Variants in SPATA21 observed in about 807,000 individuals in gnomAD.
The protein encoded by SPATA21 is spermatogenesis-associated protein 21.
Under a neutral mutation model 54.8 loss-of-function variants are expected in SPATA21, and 47 were observed. The observed-to-expected ratio is 0.86, with a 90% CI of 0.68 to 1.09. The LOEUF (loss-of-function observed/expected upper bound fraction) is 1.09. Among genes scored for constraint, SPATA21 ranks in the 50% least tolerant of loss-of-function variants. SPATA21 has a pLI of 0.00. For missense variants in SPATA21, 599 were observed against 596.4 expected, an observed-to-expected ratio of 1.00 and a Z score of -0.05; for synonymous variants, 245 against 235.3, an observed-to-expected ratio of 1.04 and a Z score of -0.38.
At position 16,400,810 on chromosome 1, in the gene SPATA21, G is replaced by A. The variant is rs887323332; in HGVS notation, c.1084C>T (p.Leu362Phe). The A allele has an allele frequency of 1.2e-6, 2 of 1,614,034 alleles. No homozygotes were observed. Among genetic ancestry groups the A allele is most frequent in the Non-Finnish European group, 1.7e-6 (2 of 1,180,032 alleles). Residue 362 changes from leucine to phenylalanine, a missense_variant, in exon 11 of 13, where the codon CTT becomes TTT. Coordinates refer to ENST00000335496, the MANE Select transcript of SPATA21 (RefSeq NM_198546.1). ...AAVGRLRLQK[L>F]PYNPQQEESS... ...TCTTCTTGCTGGGGGTTGTAGGGAAGCTTCTGCAACCGCAGCCGGCCTACG... is the reference window on the plus strand; with the variant it reads ...TCTTCTTGCTGGGGGTTGTAGGGAAACTTCTGCAACCGCAGCCGGCCTACG...
chr1:16,419,084 T>C (rs1191436961), intron 5 of SPATA21, among the ~76,000 whole-genome samples: 1 of 151,992 alleles, frequency 6.6e-6, no homozygotes, highest in Non-Finnish European at 1.5e-5. Flanking sequence ...ACAAAGACAA[T>C]AAAACAGGAC....
At position 16,437,337 on chromosome 1, in the gene SPATA21, G is replaced by A. The variant is rs1206051068; in HGVS notation, c.-396C>T. ...ATGCATTTCAGGAATATCCAGCCATGTGGTTAGGGTTTGAGAATAAGGCAA... is the reference window on the plus strand; with the variant it reads ...ATGCATTTCAGGAATATCCAGCCATATGGTTAGGGTTTGAGAATAAGGCAA... On this transcript the variant is annotated 5_prime_UTR_variant, in exon 1 of 13. Transcript: ENST00000335496. 6.6e-6 allele frequency: 1 copy of A among 152,214 alleles called. No individual in the cohort carries two copies. Among genetic ancestry groups the A allele is most frequent in the Non-Finnish European group, 1.5e-5 (1 of 68,058 alleles). The allele number at this position is 152,214 out of a possible 1,614,324, so 9.4% of individuals were successfully genotyped here.
chr1:16,400,678 A>AGCCCCAACCCTAGCCC, intron 11 of SPATA21, 42 bp downstream of exon 11: 1 of 1,558,492 alleles, frequency 6.4e-7, no homozygotes, highest in Middle Eastern at 1.8e-4. Flanking sequence ...AAGAGAGCAA[A>AGCCCCAACCCTAGCCC]GCCCCAACCC....
intron 3 of SPATA21, among the ~76,000 whole-genome samples, chr1:16,430,114 CAA>C (rs1226598581): frequency 7.0e-3 from 374 of 53,134 alleles, no homozygotes; most frequent in African/African-American, 0.02. Flanking sequence ...GACTCTATCT[CAA>C]AAAAAAAAAA....
chr1:16,426,469 G>A (rs2086319960), intron 3 of SPATA21, among the ~76,000 whole-genome samples: 1 of 148,782 alleles, frequency 6.7e-6, no homozygotes, highest in African/African-American at 2.5e-5. Flanking sequence ...ATGTTGTCCA[G>A]GTTGGTCTTG....
At chr1:16,426,580 T>TATATATATATATA (rs1553166390) in intron 3 of SPATA21, among the ~76,000 whole-genome samples, 29 of 77,980 alleles carry the variant, frequency 3.7e-4, no homozygotes, top group East Asian at 1.1e-3. Context: ...TATATATATA[T>TATATATATATATA]TTTTTTTTTT....
intron 5 of SPATA21, among the ~76,000 whole-genome samples, chr1:16,410,328 CT>C (rs1282489462): frequency 6.6e-6 from 1 of 152,138 alleles, no homozygotes; most frequent in East Asian, 1.9e-4. Context: ...TCATTGCAGC[CT>C]TGACCTTCCA....
rs749089149 is a variant in SPATA21 at position 16,407,094 on chromosome 1, A to G, written c.674-1990T>C. ...CCTCTTGGAAGTATTCTATGAACTC[A>G]GTGCTGGCACACAATAGCCTCTGTT... On this transcript the variant is annotated intron_variant, in intron 7 of 12. Transcript: ENST00000335496. 8.5e-5 allele frequency among the ~76,000 whole-genome samples: 13 copies of G among 152,356 alleles called. No homozygotes were observed. The East Asian group carries it at 1.9e-3, about 23-fold the overall frequency.
intron 5 of SPATA21, among the ~76,000 whole-genome samples, chr1:16,411,218 G>A (rs1055082494): frequency 1.3e-5 from 2 of 151,594 alleles, no homozygotes; most frequent in Middle Eastern, 6.5e-3. Context: ...ATAGGGTCTC[G>A]TTTTGTTGCC....
intron 1 of SPATA21, among the ~76,000 whole-genome samples, chr1:16,435,151 C>A (rs189173675): frequency 2.0e-4 from 30 of 152,250 alleles, no homozygotes; most frequent in Non-Finnish European, 1.3e-4. Flanking sequence ...GCCACTGTAC[C>A]GCCTTACTTG....
At chr1:16,402,246 A>ATTTT (rs780999908) in intron 10 of SPATA21, among the ~76,000 whole-genome samples, 4 of 73,388 alleles carry the variant, frequency 5.5e-5, no homozygotes, top group South Asian at 4.7e-4. Flanking sequence ...CTGAGCTGCC[A>ATTTT]TTCTTTTTTT....
chr1:16,401,422 A>C (rs2085443899), intron 10 of SPATA21, among the ~76,000 whole-genome samples: 1 of 152,052 alleles, frequency 6.6e-6, no homozygotes, highest in Non-Finnish European at 1.5e-5. Context: ...TAGCCTCTTG[A>C]GTAGTTGGGA....
At chr1:16,397,194 G>C (rs896485193), downstream of SPATA21, 2 of 152,304 alleles carry the variant, frequency 1.3e-5, no homozygotes, top group African/African-American at 4.8e-5. This position sits in a 1 kb window ranked among gnomAD's most constrained non-coding sequence, Gnocchi z 5.4. Flanking sequence ...TGGCTGGTGG[G>C]TGTCTGTGGA....
chr1:16,421,360 C>CT lies in SPATA21; in HGVS notation c.144+148dup. 1.3e-6 allele frequency: 1 copy of CT among 766,092 alleles called. No individual in the cohort carries two copies. The highest frequency in any genetic ancestry group is 2.1e-6 in the Non-Finnish European group (1 of 475,354). 47.5% of individuals were successfully genotyped at this position (766,092 alleles called of 1,614,324 possible). On this transcript the variant is annotated intron_variant, in intron 5 of 12. Transcript: ENST00000335496. This position sits in a 1 kb window ranked among gnomAD's most constrained non-coding sequence, Gnocchi z 5.2. ...ACACACGTGTGCACATCCATGTGCA[C>CT]TTTAACACACAGCCACACACACCTT... is the stretch of plus-strand genomic sequence containing the variant.
At chr1:16,424,237 T>G (rs1046215026) in intron 3 of SPATA21, among the ~76,000 whole-genome samples, 6 of 3,326 alleles carry the variant, frequency 1.8e-3, no homozygotes, top group Non-Finnish European at 1.7e-3. Context: ...GGCATGAACC[T>G]GGGAGGCAGA....
At chr1:16,411,250 G>A (rs934254778) in intron 5 of SPATA21, among the ~76,000 whole-genome samples, 7 of 152,104 alleles carry the variant, frequency 4.6e-5, no homozygotes, top group East Asian at 1.9e-4. Flanking sequence ...GCAGTGACAC[G>A]ATCTCAGCTC....
rs2086380440 is a variant in SPATA21, at chr1:16,428,613, T to C, written c.34+2725A>G. On this transcript the variant is annotated intron_variant, in intron 3 of 12. Coordinates refer to ENST00000335496, the MANE Select transcript of SPATA21 (RefSeq NM_198546.1). The surrounding 1 kb of genome is among the most constrained non-coding windows in gnomAD (Gnocchi z 4.3). ...CTGGTCTCGAACTTCTGACCTCAAGTGATCCGTCTGCCTCAGCCTCCCAAA... is the reference window on the plus strand; with the variant it reads ...CTGGTCTCGAACTTCTGACCTCAAGCGATCCGTCTGCCTCAGCCTCCCAAA... Among the ~76,000 whole-genome samples, 1 of 151,574 alleles carries C rather than the reference T, an allele frequency of 6.6e-6. No homozygotes were observed. Among genetic ancestry groups the C allele is most frequent in the Admixed American group, 6.6e-5 (1 of 15,218 alleles).
At chr1:16,398,625 G>T, downstream of SPATA21, 2 of 918,648 alleles carry the variant, frequency 2.2e-6, no homozygotes, top group Non-Finnish European at 3.4e-6. Context: ...GGCCTTTCTT[G>T]GCAAGAGGCA....
chr1:16,419,856 C>G (rs1336285672), intron 5 of SPATA21, among the ~76,000 whole-genome samples: 1 of 152,182 alleles, frequency 6.6e-6, no homozygotes, highest in East Asian at 1.9e-4. Context: ...AAGAGAATTG[C>G]TTGAACCTCA....
Sources: allele counts gnomAD v4.1 joint callset (sites outside exome capture counted in the v4.1 genomes callset), GRCh38; gene constraint gnomAD v4.1.1; non-coding constraint Gnocchi (gnomAD v3.1); transcripts MANE v1.5; gene names NCBI Gene and HGNC (gene_info 2026-07-23, HGNC 2026-07-21).